Variants in TRAPPC11 observed in about 807,000 individuals in gnomAD.
TRAPPC11 encodes the protein foie gras homolog.
TRAPPC11 carries 104 observed loss-of-function variants against 151.2 expected under a neutral mutation model. That is an observed-to-expected ratio of 0.69 (90% CI 0.59 to 0.81). The LOEUF is 0.81. TRAPPC11 is among the 30% of genes least tolerant of loss of function. TRAPPC11 has a pLI of 0.00. For synonymous variants in TRAPPC11, 456 were observed against 472.3 expected, an observed-to-expected ratio of 0.97 and a Z score of 0.45; for missense variants, 1,230 against 1,349.6, an observed-to-expected ratio of 0.91 and a Z score of 1.39.
At chr4:183,668,156 A>T (rs777296812) in intron 5 of TRAPPC11, 39 bp downstream of exon 5, 1 of 1,250,800 alleles carries the variant, frequency 8.0e-7, no homozygotes, top group Admixed American at 2.2e-5. Context: ...TTTTTAGATT[A>T]TTAAGAATTG....
chr4:183,665,086 T>C (rs1243736619), intron 2 of TRAPPC11, among the ~76,000 whole-genome samples: 7 of 125,872 alleles, frequency 5.6e-5, no homozygotes, highest in Non-Finnish European at 1.2e-4. Flanking sequence ...ATTTTTCTTT[T>C]CTTTCTTTTT....
intron 28 of TRAPPC11, 136 bp downstream of exon 28, chr4:183,707,076 A>C (rs1341216502): frequency 9.7e-7 from 1 of 1,030,156 alleles, no homozygotes; most frequent in African/African-American, 1.6e-5. Flanking sequence ...GTGAATTTTT[A>C]AGCACCTTAA....
intron 8 of TRAPPC11, among the ~76,000 whole-genome samples, chr4:183,679,109 T>C (rs979841800): frequency 6.6e-6 from 1 of 152,220 alleles, no homozygotes; most frequent in Non-Finnish European, 1.5e-5. Flanking sequence ...TAAAAGCTTT[T>C]CTAAAGTGTA....
At chr4:183,692,847 G>T in intron 19 of TRAPPC11, 113 bp from the exon 20 acceptor site, 1 of 881,952 alleles carries the variant, frequency 1.1e-6, no homozygotes, top group African/African-American at 1.7e-5. Context: ...TCACACTGGG[G>T]GTCTCTAGAT....
At chr4:183,665,304 C>T (rs1002645429) in intron 2 of TRAPPC11, among the ~76,000 whole-genome samples, 9 of 151,928 alleles carry the variant, frequency 5.9e-5, no homozygotes, top group African/African-American at 2.2e-4. Context: ...CCGTGTTAGC[C>T]AGGATGGTCT....
intron 8 of TRAPPC11, among the ~76,000 whole-genome samples, chr4:183,677,790 T>G (rs1579179035): frequency 6.6e-6 from 1 of 152,192 alleles, no homozygotes; most frequent in East Asian, 1.9e-4. Context: ...GGTTTTTTGG[T>G]TTTTGTTTTG....
At position 183,712,655 on chromosome 4, in the gene TRAPPC11, C is replaced by G; in HGVS notation, c.*11C>G. 3 of 1,613,964 alleles carry G rather than the reference C, an allele frequency of 1.9e-6. No homozygotes were observed. Among genetic ancestry groups the G allele is most frequent in the Non-Finnish European group, 2.5e-6 (3 of 1,179,880 alleles). ...ATTGCTGCTGCATGATGTTCAAGACCGGCCCTTGGCTGTTGTTACAGAGAT... is the reference window on the plus strand; with the variant it reads ...ATTGCTGCTGCATGATGTTCAAGACGGGCCCTTGGCTGTTGTTACAGAGAT... On this transcript the variant is annotated 3_prime_UTR_variant, in exon 30 of 30. Transcript: ENST00000334690.
intron 18 of TRAPPC11, among the ~76,000 whole-genome samples, chr4:183,689,948 A>G (rs1159231850): frequency 6.6e-6 from 1 of 152,200 alleles, no homozygotes; most frequent in Non-Finnish European, 1.5e-5. Context: ...CACGCCTGTA[A>G]TCCCAGCACT....
At chr4:183,680,306 GT>G (rs1372116075) in intron 10 of TRAPPC11, 39 bp downstream of exon 10, 1 of 1,587,760 alleles carries the variant, frequency 6.3e-7, no homozygotes, top group Non-Finnish European at 8.5e-7. Flanking sequence ...ACATAGAAAA[GT>G]TATTCTTCTT....
At chr4:183,662,618 C>T (rs1410357448) in intron 1 of TRAPPC11, among the ~76,000 whole-genome samples, 2 of 151,934 alleles carry the variant, frequency 1.3e-5, no homozygotes, top group Admixed American at 1.3e-4. Context: ...AATGAGACAA[C>T]ATAGCTACTA....
intron 10 of TRAPPC11, 127 bp downstream of exon 10, chr4:183,680,394 G>C (rs1455776187): frequency 1.3e-5 from 14 of 1,047,076 alleles, no homozygotes; most frequent in Non-Finnish European, 1.7e-5. Context: ...ATTTTTTATA[G>C]CTTTAGGAAT....
chr4:183,684,488 A>C, intron 14 of TRAPPC11, 129 bp downstream of exon 14: 1 of 1,068,198 alleles, frequency 9.4e-7, no homozygotes, highest in South Asian at 1.6e-5. Context: ...CCATTTCTGT[A>C]ATGTTTTTTT....
Position 183,665,944 on chromosome 4 carries a change from TTTTC to T in TRAPPC11, c.205-309_205-306del, listed in dbSNP as rs1368938911. On this transcript the variant is annotated intron_variant, in intron 2 of 29. Coordinates refer to ENST00000334690, the MANE Select transcript of TRAPPC11 (RefSeq NM_021942.6). ...AAATGGGCTACTTTTTTTTTTTTTTTTTTCTTTAGCAAAGTATTTGAGACCCTTG... is the reference window on the plus strand; with the variant it reads ...AAATGGGCTACTTTTTTTTTTTTTTTTTTAGCAAAGTATTTGAGACCCTTG... 2.0e-3 allele frequency among the ~76,000 whole-genome samples: 301 copies of T among 151,840 alleles called. 2 individuals are homozygous for T. The highest frequency in any genetic ancestry group is 6.9e-3 in the African/African-American group (286 of 41,364).
At position 183,675,920 on chromosome 4, in the gene TRAPPC11, C is replaced by T. The variant is rs1227425201; in HGVS notation, c.734+683C>T. ...CGAAGCAGAATTCAATGAAACTTGACCTCTTTGTAGCTTTAACTCACTTTT... is the reference window on the plus strand; with the variant it reads ...CGAAGCAGAATTCAATGAAACTTGATCTCTTTGTAGCTTTAACTCACTTTT... On this transcript the variant is annotated intron_variant, in intron 7 of 29. Transcript: ENST00000334690. Among the ~76,000 whole-genome samples, 6 of 152,106 alleles carry T rather than the reference C, an allele frequency of 3.9e-5. No homozygotes were observed. In the East Asian group the frequency reaches 9.6e-4, roughly 24 times the overall value.
At chr4:183,702,125 C>T (rs1249287492) in intron 26 of TRAPPC11, among the ~76,000 whole-genome samples, 2 of 152,154 alleles carry the variant, frequency 1.3e-5, no homozygotes, top group Non-Finnish European at 2.9e-5. Flanking sequence ...GGGAGGATCG[C>T]TGGAGCTCAG....
chr4:183,691,687 A>C (rs1385134925), intron 19 of TRAPPC11, among the ~76,000 whole-genome samples: 2 of 152,146 alleles, frequency 1.3e-5, no homozygotes, highest in African/African-American at 4.8e-5. Context: ...AAAATTGAGA[A>C]TATACTGTAC....
At position 183,684,770 on chromosome 4, in the gene TRAPPC11, C is replaced by T. The variant is rs769563276; in HGVS notation, c.1496C>T (p.Ala499Val). 6.2e-7 allele frequency: 1 copy of T among 1,613,626 alleles called. No homozygotes were observed. The highest frequency in any genetic ancestry group is 1.7e-5 in the Admixed American group (1 of 60,022). The change falls in exon 15 of 30, where the codon GCT becomes GTT. Residue 499 changes from alanine (A) to valine (V), a missense_variant. By Grantham distance (64) the Ala-to-Val change is moderately conservative (BLOSUM62 0). Transcript: ENST00000334690. ...CTGCTCACTTCTGTATTAACTACAG[C>T]TCTGAAGTGCTCCTACCTCATGGCC... ...WTLLTSVLTTALKCSYLMAQL... is the reference protein window; with the variant it reads ...WTLLTSVLTTVLKCSYLMAQL...
Position 183,660,937 on chromosome 4 carries a change from CCG to C in TRAPPC11, c.-22+1491_-22+1492del, listed in dbSNP as rs1430264717. ...CCCTATTGGCCAGGCTGGTTTTGAA[CCG>C]TTGACCTCGTGAATCGCCCGCCTTG... On this transcript the variant is annotated intron_variant, in intron 1 of 29. Coordinates refer to ENST00000334690, the MANE Select transcript of TRAPPC11 (RefSeq NM_021942.6). Among the ~76,000 whole-genome samples the C allele has an allele frequency of 1.3e-3, 191 of 151,898 alleles. 1 individual carries two copies. The highest frequency in any genetic ancestry group is 3.3e-3 in the African/African-American group (136 of 41,534).
chr4:183,666,485 C>T (rs1396929915), intron 3 of TRAPPC11, 59 bp downstream of exon 3: 2 of 1,543,008 alleles, frequency 1.3e-6, no homozygotes, highest in Non-Finnish European at 1.8e-6. Context: ...TATTCACTAA[C>T]ATTCCTTGAA....
Sources: gnomAD v4.1 joint callset for allele counts (sites outside exome capture counted in the v4.1 genomes callset) on GRCh38, gnomAD v4.1.1 for gene constraint, MANE v1.5 for transcripts, NCBI Gene and HGNC (gene_info 2026-07-23, HGNC 2026-07-21) for gene names.